SETD2: variants seen among roughly 807,000 people sequenced by gnomAD.
The protein encoded by SETD2 is SET domain containing 2, histone lysine methyltransferase.
Under a neutral mutation model 242.1 loss-of-function variants are expected in SETD2, and 31 were observed. That is an observed-to-expected ratio of 0.13 (90% CI 0.10 to 0.17). SETD2 has a LOEUF of 0.17. Among genes scored for constraint, SETD2 ranks in the 10% least tolerant of loss-of-function variants. The pLI is 1.00. For synonymous variants in SETD2, 1,006 were observed against 1,066.5 expected (o/e 0.94, Z 1.11); for missense variants, 2,481 against 3,046.3 (o/e 0.81, Z 4.37).
At chr3:47,021,909 G>A (rs1367317251) in intron 18 of SETD2, among the ~76,000 whole-genome samples, 1 of 152,174 alleles carries the variant, frequency 6.6e-6, no homozygotes, top group Admixed American at 6.5e-5. Flanking sequence ...AGCACTTTGG[G>A]AGGCGGAGGA....
At chr3:47,110,083 C>A (rs1430154474) in intron 5 of SETD2, among the ~76,000 whole-genome samples, 1 of 151,892 alleles carries the variant, frequency 6.6e-6, no homozygotes, top group Admixed American at 6.6e-5. Context: ...ATTATTCAGC[C>A]ATAAATAGGA....
intron 7 of SETD2, 142 bp downstream of exon 7, chr3:47,103,204 C>A: frequency 3.4e-6 from 2 of 591,226 alleles, no homozygotes; most frequent in Admixed American, 2.9e-5. Flanking sequence ...AACCTATTTC[C>A]AAATAAAATC....
intron 7 of SETD2, among the ~76,000 whole-genome samples, 197 bp from the exon 8 acceptor site, chr3:47,101,752 G>C (rs190843881): frequency 6.6e-6 from 1 of 151,972 alleles, no homozygotes; most frequent in Non-Finnish European, 1.5e-5. Flanking sequence ...AAATATTTAA[G>C]TGTAACTCTC....
At chr3:47,025,001 C>G (rs2038408232) in intron 18 of SETD2, among the ~76,000 whole-genome samples, 1 of 152,146 alleles carries the variant, frequency 6.6e-6, no homozygotes, top group Admixed American at 6.5e-5. Flanking sequence ...CTTTTACTAC[C>G]AGACAGCACT....
rs765890389 is a variant in SETD2 at position 47,046,536 on chromosome 3, G to T, written c.7049C>A (p.Ala2350Glu). The T allele has an allele frequency of 1.2e-6, 2 of 1,613,342 alleles. No individual in the cohort carries two copies. Among genetic ancestry groups the T allele is most frequent in the Admixed American group, 1.7e-5 (1 of 59,956 alleles). ...TGGTGCAACTATTGTAGTCACTGCT[G>T]CGGCTGGCTGTACCACCACTCCTTG... ...HPQGVVVQPA[A>E]AVTTIVAPGQ... The change falls in exon 16 of 21, where the codon GCA becomes GAA. Residue 2350 changes from alanine (A) to glutamate (E), a missense_variant. Physicochemically the swap from Ala to Glu is moderately radical, Grantham distance 107. This residue lies in a region of SETD2 where 235 missense variants were observed against 293.9 expected (regional missense o/e 0.80). Transcript: ENST00000409792.
chr3:47,062,264 G>C lies in SETD2; in HGVS notation c.6192C>G (p.Asp2064Glu), dbSNP rs748980966. 2.5e-6 allele frequency: 4 copies of C among 1,613,732 alleles called. No homozygotes were observed. Among genetic ancestry groups the C allele is most frequent in the Non-Finnish European group, 3.4e-6 (4 of 1,179,914 alleles). The change falls in exon 14 of 21, where the codon GAC becomes GAG. Residue 2064 changes from aspartate (D) to glutamate (E), a missense_variant. Coordinates refer to ENST00000409792, the MANE Select transcript of SETD2 (RefSeq NM_014159.7). ...CTTTATTTTGAGTTTGCTTGTCTGG[G>C]TCTCTCTCTCTTGACCTATTAGGAG... is the stretch of plus-strand genomic sequence containing the variant. The part of the protein sequence containing the change: ...PKTPNRSRER[D>E]PDKQTQNKEK...
At chr3:47,058,857 C>T (rs1351482315) in intron 14 of SETD2, among the ~76,000 whole-genome samples, 5 of 151,010 alleles carry the variant, frequency 3.3e-5, no homozygotes, top group African/African-American at 7.3e-5. Context: ...TGCAGTGGCG[C>T]GATCTCTGTT....
chr3:47,097,826 C>T, intron 9 of SETD2, 129 bp downstream of exon 9: 1 of 832,594 alleles, frequency 1.2e-6, no homozygotes, highest in Non-Finnish European at 1.9e-6. Context: ...CATCTCTTTT[C>T]TGGTAACAAC....
chr3:47,118,594 G>A (rs533171250), intron 3 of SETD2, among the ~76,000 whole-genome samples: 76 of 151,426 alleles, frequency 5.0e-4, no homozygotes, highest in Middle Eastern at 3.4e-3. Context: ...GGTGGCACCC[G>A]GCAGAGGTTG....
chr3:47,095,038 C>A (rs537791225), intron 9 of SETD2, among the ~76,000 whole-genome samples: 14 of 152,314 alleles, frequency 9.2e-5, no homozygotes, highest in African/African-American at 3.1e-4. Context: ...AATGCCACCT[C>A]TTAATCCATA....
intron 18 of SETD2, among the ~76,000 whole-genome samples, chr3:47,028,263 T>C (rs2038595811): frequency 6.6e-6 from 1 of 152,150 alleles, no homozygotes; most frequent in Non-Finnish European, 1.5e-5. Flanking sequence ...TACCAGACTC[T>C]GGGGCAGAGA....
chr3:47,101,185 T>C (rs920738430), intron 8 of SETD2, among the ~76,000 whole-genome samples: 2 of 152,086 alleles, frequency 1.3e-5, no homozygotes, highest in African/African-American at 4.8e-5. Flanking sequence ...AGAGTTGGCA[T>C]GTCTAAAGTT....
In SETD2 at chr3:47,113,968, A is replaced by G; in HGVS notation, c.4623T>C (p.Asn1541=). ...SRCPNGDYCS[N]RRFQRKQHAD... ...CATGCTGTTTTCTCTGAAACCGTCTATTGGAACAATAATCCCCATTTGGAC... is the reference window on the plus strand; with the variant it reads ...CATGCTGTTTTCTCTGAAACCGTCTGTTGGAACAATAATCCCCATTTGGAC... Residue 1541 remains asparagine, a synonymous_variant, in exon 5 of 21, where the codon AAT becomes AAC. Transcript: ENST00000409792. 6.2e-7 allele frequency: 1 copy of G among 1,613,480 alleles called. No homozygotes were observed. The highest frequency in any genetic ancestry group is 8.5e-7 in the Non-Finnish European group (1 of 1,179,618).
intron 15 of SETD2, among the ~76,000 whole-genome samples, chr3:47,056,096 T>A (rs1209506973): frequency 6.2e-5 from 3 of 48,630 alleles, no homozygotes; most frequent in Non-Finnish European, 1.2e-4. Flanking sequence ...AACATGATTT[T>A]TATTTATTTA....
rs529209727 is a variant in SETD2, at chr3:47,117,980, A to T, written c.4455-1226T>A. The stretch of plus-strand genomic sequence containing the variant: ...ATAACTCACTCTTTGACTATCAAAC[A>T]GGAAACAGCATAGCTGCTCTAAATG... On this transcript the variant is annotated intron_variant, in intron 3 of 20. Transcript: ENST00000409792. Among the ~76,000 whole-genome samples, 4 of 152,380 alleles carry T rather than the reference A, an allele frequency of 2.6e-5. No homozygotes were observed. The East Asian group carries it at 7.7e-4, about 29-fold the overall frequency.
chr3:47,084,127 T>G lies in SETD2; in HGVS notation c.5653A>C (p.Ser1885Arg). 6.2e-7 allele frequency: 1 copy of G among 1,614,208 alleles called. No individual in the cohort carries two copies. The highest frequency in any genetic ancestry group is 8.5e-7 in the Non-Finnish European group (1 of 1,180,034). The change falls in exon 12 of 21, where the codon AGT becomes CGT. Residue 1885 changes from serine to arginine, a missense_variant. Physicochemically the swap from Ser to Arg is moderately radical, Grantham distance 110 (BLOSUM62 -1). This residue lies in a region of SETD2 where 203 missense variants were observed against 222.4 expected (regional missense o/e 0.91). Coordinates refer to ENST00000409792, the MANE Select transcript of SETD2 (RefSeq NM_014159.7). ...ATTGCACTGTCCATGCTATTTTCACTTATAATTTTCAGTCTGCGAAACATT... is the reference window on the plus strand; with the variant it reads ...ATTGCACTGTCCATGCTATTTTCACGTATAATTTTCAGTCTGCGAAACATT... Reference protein sequence around the residue: ...KLMFRRLKIISENSMDSAISD... With the variant: ...KLMFRRLKIIRENSMDSAISD...
At position 47,046,579 on chromosome 3, in the gene SETD2, T is replaced by A. The variant is rs769263465; in HGVS notation, c.7006A>T (p.Ile2336Phe). Residue 2336 changes from isoleucine to phenylalanine, a missense_variant, in exon 16 of 21, where the codon ATT becomes TTT. Ile to Phe is a conservative substitution (Grantham distance 21, BLOSUM62 0). Coordinates refer to ENST00000409792, the MANE Select transcript of SETD2 (RefSeq NM_014159.7). ...ACTCCTTGTGGATGAGCTGTGAAAA[T>A]CTGTTGCCCCTGGATATACTGAAGA... ...PSLQYIQGQQ[I>F]FTAHPQGVVV... The A allele has an allele frequency of 6.2e-7, 1 of 1,613,604 alleles. No homozygotes were observed.
chr3:47,028,100 T>C (rs1171416871), intron 18 of SETD2, among the ~76,000 whole-genome samples: 7 of 152,172 alleles, frequency 4.6e-5, no homozygotes, highest in African/African-American at 1.7e-4. Context: ...GAATTAGCCC[T>C]CTCAGAGTTA....
rs182496955 is a variant in SETD2 at position 47,147,640 on chromosome 3, T to C, written c.71+16214A>G. Among the ~76,000 whole-genome samples, 251 of 150,768 alleles carry C rather than the reference T, an allele frequency of 1.7e-3. 2 individuals carry two copies. The highest frequency in any genetic ancestry group is 5.4e-3 in the African/African-American group (223 of 41,264). The stretch of plus-strand genomic sequence containing the variant: ...GCATGTCATTTTTTAAGATAGTTTC[T>C]AGGCCGGGCGCGGTGGCTCACTCCT... On this transcript the variant is annotated intron_variant, in intron 1 of 20. Coordinates refer to ENST00000409792, the MANE Select transcript of SETD2 (RefSeq NM_014159.7).
Sources: allele counts gnomAD v4.1 joint callset (sites outside exome capture counted in the v4.1 genomes callset), GRCh38; gene constraint gnomAD v4.1.1; regional missense constraint gnomAD v4.1.1; transcripts MANE v1.5; gene names NCBI Gene and HGNC (gene_info 2026-07-23, HGNC 2026-07-21).